The following EMSY variants were observed in gnomAD, a reference collection of about 807,000 sequenced individuals.
EMSY encodes EMSY transcriptional repressor, BRCA2 interacting.
Under a neutral mutation model 134.6 loss-of-function variants are expected in EMSY, and 26 were observed. The ratio of observed to expected loss-of-function variants is 0.19; its 90% CI spans 0.14 to 0.27. The LOEUF (loss-of-function observed/expected upper bound fraction) is 0.27, where lower values mean the gene tolerates loss of function less well. Ranked by LOEUF, EMSY falls within the 10% of genes least tolerant of loss-of-function variation. The pLI is 1.00. For missense variants in EMSY, 1,305 were observed against 1,611.4 expected, an observed-to-expected ratio of 0.81 and a Z score of 3.26; for synonymous variants, 579 against 577.8, an observed-to-expected ratio of 1.00 and a Z score of -0.03.
At chr11:76,445,525 G>A (rs1947343456) in intron 1 of EMSY, among the ~76,000 whole-genome samples, 1 of 152,140 alleles carries the variant, frequency 6.6e-6, no homozygotes, top group Non-Finnish European at 1.5e-5. Context: ...AGGAGCCTGG[G>A]CTGGCTGCTC....
intron 9 of EMSY, among the ~76,000 whole-genome samples, chr11:76,507,865 C>T (rs1264099932): frequency 5.1e-5 from 6 of 118,632 alleles, no homozygotes; most frequent in Non-Finnish European, 7.4e-5. Context: ...TTTTCTTTTT[C>T]TTTTTTTTTT....
intron 8 of EMSY, among the ~76,000 whole-genome samples, chr11:76,480,203 C>T (rs1464893721): frequency 3.3e-5 from 5 of 152,122 alleles, no homozygotes; most frequent in Admixed American, 3.3e-4. Flanking sequence ...ACAGCTAATA[C>T]AGGAATTAAG....
intron 6 of EMSY, among the ~76,000 whole-genome samples, chr11:76,463,357 C>T (rs1023904747): frequency 5.9e-5 from 9 of 151,936 alleles, no homozygotes; most frequent in African/African-American, 1.9e-4. Flanking sequence ...GGCGCGGTGG[C>T]TCACGCCTGT....
chr11:76,531,042 T>C (rs1292337639), intron 14 of EMSY, among the ~76,000 whole-genome samples: 1 of 152,202 alleles, frequency 6.6e-6, no homozygotes, highest in African/African-American at 2.4e-5. Context: ...CCCTATTTGC[T>C]TTGTTGTTGA....
In EMSY at chr11:76,506,526, T is replaced by C. The variant is rs191928226; in HGVS notation, c.1364-6860T>C. ...CTGACAGTGTAAGAATTCCCAGAAA[T>C]TGATCCAACAGGAAAGTGGAAAATG... On this transcript the variant is annotated intron_variant, in intron 9 of 20. Coordinates refer to ENST00000334736, the Ensembl canonical transcript of EMSY. Among the ~76,000 whole-genome samples the C allele has an allele frequency of 1.4e-4, 21 of 152,230 alleles. No individual in the cohort carries two copies. In the East Asian group the frequency reaches 3.7e-3, roughly 27 times the overall value.
At chr11:76,501,631 G>A (rs1471345576) in intron 9 of EMSY, among the ~76,000 whole-genome samples, 2 of 152,020 alleles carry the variant, frequency 1.3e-5, no homozygotes, top group Non-Finnish European at 2.9e-5. Flanking sequence ...ATCAATAGAG[G>A]TTATGTGAGC....
At chr11:76,506,090 A>G (rs79491625) in intron 9 of EMSY, among the ~76,000 whole-genome samples, 2,551 of 152,234 alleles carry the variant, frequency 0.017, 47 homozygotes, top group East Asian at 0.093. Flanking sequence ...GGTGTACTTA[A>G]GCCTGGGCAA....
intron 9 of EMSY, among the ~76,000 whole-genome samples, chr11:76,512,532 A>G (rs947116538): frequency 4.0e-5 from 6 of 151,888 alleles, no homozygotes; most frequent in Non-Finnish European, 7.4e-5. Flanking sequence ...CAGTTTTTAT[A>G]TTTTATTTTC....
chr11:76,458,283 G>T (rs1947958167), exon 5 of EMSY: 1 of 1,613,952 alleles, frequency 6.2e-7, no homozygotes, highest in African/African-American at 1.3e-5. Context: ...TACTGTAACA[G>T]CTAATGCTGT....
chr11:76,509,631 C>T (rs538574731), intron 9 of EMSY, among the ~76,000 whole-genome samples: 6 of 152,104 alleles, frequency 3.9e-5, no homozygotes, highest in Non-Finnish European at 8.8e-5. Context: ...TATGTACTGA[C>T]TATATTAAAA....
At chr11:76,533,932 A>G (rs1322261688) in intron 14 of EMSY, among the ~76,000 whole-genome samples, 2 of 152,188 alleles carry the variant, frequency 1.3e-5, no homozygotes, top group Non-Finnish European at 2.9e-5. Flanking sequence ...AGAATCATTT[A>G]AAGATGGGTT....
intron 8 of EMSY, among the ~76,000 whole-genome samples, chr11:76,481,538 G>A (rs1459150645): frequency 6.6e-6 from 1 of 152,196 alleles, no homozygotes; most frequent in East Asian, 1.9e-4. Flanking sequence ...AAGTTAACCT[G>A]GGATGCTCAA....
downstream of EMSY, chr11:76,552,969 G>C (rs1221568943): frequency 6.6e-6 from 1 of 152,144 alleles, no homozygotes; most frequent in East Asian, 1.9e-4. Context: ...GAATGTGTCA[G>C]TACTACATTT....
chr11:76,517,534 T>G (rs1472026414), intron 11 of EMSY, among the ~76,000 whole-genome samples: 2 of 152,218 alleles, frequency 1.3e-5, no homozygotes, highest in East Asian at 3.8e-4. Context: ...TTTTCTTTAC[T>G]TATACATGAA....
At chr11:76,466,931 G>C (rs1948376109) in intron 7 of EMSY, among the ~76,000 whole-genome samples, 1 of 152,102 alleles carries the variant, frequency 6.6e-6, no homozygotes, top group African/African-American at 2.4e-5. Flanking sequence ...AGCAACATAA[G>C]GTATGTATTC....
At chr11:76,548,567 A>G (rs961073619) in intron 20 of EMSY, among the ~76,000 whole-genome samples, 1 of 152,210 alleles carries the variant, frequency 6.6e-6, no homozygotes. Flanking sequence ...ATCTTATTTT[A>G]CACAAGATTA....
rs75290399 is a variant in EMSY at position 76,480,445 on chromosome 11, G to A, written c.1108+7605G>A. On this transcript the variant is annotated intron_variant, in intron 8 of 20. Transcript: ENST00000334736. ...CTGCAGGGCAGCTGGACTGTGCAAC[G>A]ATGGCAAGATTTTATTTCTTGATGA... Among the ~76,000 whole-genome samples the A allele has an allele frequency of 5.5e-4, 83 of 152,280 alleles. No homozygotes were observed. In the East Asian group the frequency reaches 0.013, roughly 24 times the overall value.
chr11:76,484,477 G>A (rs7945459), intron 8 of EMSY, among the ~76,000 whole-genome samples: 139,757 of 152,246 alleles, frequency 0.92, 64,749 homozygotes, highest in South Asian at 0.98. Flanking sequence ...TTTTTTGAAA[G>A]GATTAACAAG....
chr11:76,488,757 C>G (rs1286144245), intron 8 of EMSY, among the ~76,000 whole-genome samples: 1 of 152,140 alleles, frequency 6.6e-6, no homozygotes, highest in Non-Finnish European at 1.5e-5. Flanking sequence ...CAAGGAATTT[C>G]TTTTCACCTT....
Sources: gnomAD v4.1 joint callset for allele counts (sites outside exome capture counted in the v4.1 genomes callset) on GRCh38, gnomAD v4.1.1 for gene constraint, MANE v1.5 for transcripts, NCBI Gene and HGNC (gene_info 2026-07-23, HGNC 2026-07-21) for gene names.